HDAC4: variants seen among roughly 807,000 people sequenced by gnomAD.
HDAC4 encodes histone deacetylase A.
In HDAC4, 16 loss-of-function variants were observed where a neutral mutation model predicts 135.1. The ratio of observed to expected loss-of-function variants is 0.12; its 90% confidence interval spans 0.08 to 0.18. The LOEUF (loss-of-function observed/expected upper bound fraction) is 0.18, where lower values mean the gene tolerates loss of function less well. Ranked by LOEUF, HDAC4 falls within the 10% of genes least tolerant of loss-of-function variation. HDAC4 has a pLI of 1.00. For missense variants in HDAC4, 1,143 were observed against 1,511.8 expected (o/e 0.76, Z 4.05); for synonymous variants, 685 against 653.4 (o/e 1.05, Z -0.74).
chr2:239,305,298 C>T (rs1255165233), intron 2 of HDAC4, among the ~76,000 whole-genome samples: 1 of 152,232 alleles, frequency 6.6e-6, no homozygotes, highest in South Asian at 2.1e-4. Context: ...AGGGCTGACA[C>T]GGGGAGTCTG....
chr2:239,377,255 G>A (rs999553156), intron 1 of HDAC4, among the ~76,000 whole-genome samples: 6 of 152,280 alleles, frequency 3.9e-5, no homozygotes, highest in African/African-American at 1.2e-4. Context: ...CACAGGTTAC[G>A]AGGCCGTCCA....
rs2041176039 is a variant in HDAC4 at position 239,139,162 on chromosome 2, T to C, written c.978+522A>G. Among the ~76,000 whole-genome samples the C allele has an allele frequency of 6.6e-6, 1 of 152,236 alleles. No homozygotes were observed. Among genetic ancestry groups the C allele is most frequent in the Admixed American group, 6.5e-5 (1 of 15,278 alleles). ...TCTGTGGCTTTGGCCGGCCCTGCCA[T>C]GCTGACCACGGGTGACGCTCCAGTC... On this transcript the variant is annotated intron_variant, in intron 9 of 26. Transcript: ENST00000543185. This position sits in a 1 kb window ranked among gnomAD's most constrained non-coding sequence, Gnocchi z 5.3.
At chr2:239,267,246 C>A (rs944882070) in intron 2 of HDAC4, among the ~76,000 whole-genome samples, 2 of 152,202 alleles carry the variant, frequency 1.3e-5, no homozygotes, top group African/African-American at 2.4e-5. Flanking sequence ...ATCCACTGCA[C>A]CTATAATTAC....
At chr2:239,075,910 G>A (rs1244862950) in intron 22 of HDAC4, among the ~76,000 whole-genome samples, 2 of 150,874 alleles carry the variant, frequency 1.3e-5, no homozygotes, top group Non-Finnish European at 3.0e-5. Context: ...CACTTTCCTC[G>A]GCTTCCCAGG....
chr2:239,299,473 G>A lies in HDAC4; in HGVS notation c.22+53205C>T, dbSNP rs1165409217. Among the ~76,000 whole-genome samples the A allele has an allele frequency of 1.3e-5, 2 of 152,208 alleles. No individual in the cohort carries two copies. Among genetic ancestry groups the A allele is most frequent in the Admixed American group, 6.5e-5 (1 of 15,288 alleles). On this transcript the variant is annotated intron_variant, in intron 2 of 26. Coordinates refer to ENST00000543185, the MANE Select transcript of HDAC4 (RefSeq NM_001378414.1). The surrounding 1 kb of genome is among the most constrained non-coding windows in gnomAD (Gnocchi z 4.0). ...CGCACAACCACGGCACTGGGGTGCC[G>A]AAACCAGAAGAGACATGCACACGAG...
At chr2:239,127,112 C>T (rs1034792464) in intron 11 of HDAC4, among the ~76,000 whole-genome samples, 2 of 152,186 alleles carry the variant, frequency 1.3e-5, no homozygotes, top group East Asian at 1.9e-4. Context: ...AAGGCTGCCA[C>T]GGTTCTGGGA....
At position 239,247,163 on chromosome 2, in the gene HDAC4, T is replaced by A. The variant is rs893157363; in HGVS notation, c.23-10499A>T. 5.3e-5 allele frequency among the ~76,000 whole-genome samples: 8 copies of A among 152,366 alleles called. No individual in the cohort carries two copies. In the South Asian group the frequency reaches 1.7e-3, roughly 32 times the overall value. On this transcript the variant is annotated intron_variant, in intron 2 of 26. Transcript: ENST00000543185. ...CTCGTGGATAACCGCGCTCCCTCGC[T>A]GCCGGGCCACCCGCACAGCCGGGCA... is the stretch of plus-strand genomic sequence containing the variant.
At chr2:239,176,926 A>G (rs959236540) in intron 4 of HDAC4, among the ~76,000 whole-genome samples, 6 of 152,320 alleles carry the variant, frequency 3.9e-5, no homozygotes, top group Middle Eastern at 3.4e-3. Context: ...ACTGCTGGGC[A>G]CTTCCTTATA....
At chr2:239,380,040 T>C (rs1559397071) in intron 1 of HDAC4, among the ~76,000 whole-genome samples, 1 of 152,004 alleles carries the variant, frequency 6.6e-6, no homozygotes, top group Non-Finnish European at 1.5e-5. Flanking sequence ...TCCACTGGGC[T>C]GGGAGGGCGT....
chr2:239,354,006 T>C (rs1693326863), intron 1 of HDAC4, among the ~76,000 whole-genome samples: 1 of 152,218 alleles, frequency 6.6e-6, no homozygotes, highest in Non-Finnish European at 1.5e-5. Flanking sequence ...GTTTTCATTT[T>C]CTGCTTATAA....
Position 239,115,070 on chromosome 2 carries a change from C to A in HDAC4, c.1774G>T (p.Glu592Ter). ...EPGQRQPSEQ[E>*]LLFRQQALLL... ...GCGGTCACCTGTCTGAAGAGCAGCT[C>A]CTGCTCACTGGGCTGGCGCTGGCCC... is the stretch of plus-strand genomic sequence containing the variant. The change falls in exon 13 of 27, where the codon GAG becomes TAG. Residue 592 changes from glutamate to a stop codon, truncating the protein, a stop_gained. Transcript: ENST00000543185. LOFTEE classifies it high-confidence loss of function. The surrounding 1 kb of genome is among the most constrained non-coding windows in gnomAD (Gnocchi z 6.3). 1 of 1,611,128 alleles carries A rather than the reference C, an allele frequency of 6.2e-7. No homozygotes were observed.
chr2:239,053,388 C>A lies in HDAC4; in HGVS notation c.3230+72G>T, dbSNP rs545888392. The A allele has an allele frequency of 1.9e-5, 30 of 1,572,714 alleles. No homozygotes were observed. In the Admixed American group the frequency reaches 4.6e-4, roughly 24 times the overall value. On this transcript the variant is annotated intron_variant, in intron 26 of 26. Transcript: ENST00000543185. ...AGGGCATGTGCCATAAAGGTTCTGA[C>A]CCTGAATAGTGTGTCAGTGGGCACA...
At chr2:239,172,360 A>G (rs1214481589) in intron 5 of HDAC4, among the ~76,000 whole-genome samples, 1 of 151,276 alleles carries the variant, frequency 6.6e-6, no homozygotes, top group South Asian at 2.1e-4. Context: ...GTGCATTAGA[A>G]TAGTTGAGAT....
intron 13 of HDAC4, among the ~76,000 whole-genome samples, chr2:239,112,192 G>A (rs1410901220): frequency 6.6e-6 from 1 of 152,176 alleles, no homozygotes; most frequent in East Asian, 1.9e-4. Context: ...TGGGGGATAT[G>A]CGAAGGCCAT....
intron 1 of HDAC4, among the ~76,000 whole-genome samples, chr2:239,389,235 C>T (rs1696034594): frequency 6.6e-6 from 1 of 152,204 alleles, no homozygotes; most frequent in African/African-American, 2.4e-5. Context: ...TAGCTGGCCA[C>T]CCCAGCCAGC....
intron 25 of HDAC4, among the ~76,000 whole-genome samples, chr2:239,053,860 G>C (rs1228963746): frequency 1.3e-5 from 2 of 152,152 alleles, no homozygotes; most frequent in African/African-American, 4.8e-5. Context: ...GGACTGCAGA[G>C]GGAGGCTCCT....
intron 3 of HDAC4, among the ~76,000 whole-genome samples, chr2:239,223,313 C>T (rs2047067226): frequency 6.6e-6 from 1 of 152,162 alleles, no homozygotes; most frequent in Non-Finnish European, 1.5e-5. Flanking sequence ...GGAGGTAGCC[C>T]CTCTCTCTGG....
chr2:239,111,739 C>T lies in HDAC4; in HGVS notation c.1792-27G>A, dbSNP rs751644745. 20 of 1,568,344 alleles carry T rather than the reference C, an allele frequency of 1.3e-5. No homozygotes were observed. In the East Asian group the frequency reaches 2.4e-4, roughly 19 times the overall value. ...TGCGGGGAAGAAACGGCCGTGTTGG[C>T]GGTTGCGGATGTCTCCCGCCCCTGG... On this transcript the variant is annotated intron_variant, in intron 13 of 26. Transcript: ENST00000543185.
rs577597573 is a variant in HDAC4 at position 239,143,142 on chromosome 2, G to C, written c.865+1441C>G. Among the ~76,000 whole-genome samples the C allele has an allele frequency of 8.5e-5, 13 of 152,112 alleles. No individual in the cohort carries two copies. In the South Asian group the frequency reaches 2.5e-3, roughly 29 times the overall value. On this transcript the variant is annotated intron_variant, in intron 8 of 26. Transcript: ENST00000543185. Reference sequence around the variant, plus strand: ...AAGGACTCTGTCTCACTATTTTTGCGCCCAGCCCAGTGCTGACTCAAAAAC... The same window carrying C: ...AAGGACTCTGTCTCACTATTTTTGCCCCCAGCCCAGTGCTGACTCAAAAAC...
Sources: allele counts gnomAD v4.1 joint callset (sites outside exome capture counted in the v4.1 genomes callset), GRCh38; gene constraint gnomAD v4.1.1; non-coding constraint Gnocchi (gnomAD v3.1); transcripts MANE v1.5; gene names NCBI Gene and HGNC (gene_info 2026-07-23, HGNC 2026-07-21).